The following PTPRM variants were observed in gnomAD, a reference collection of about 807,000 sequenced individuals.
PTPRM encodes the protein receptor-type tyrosine-protein phosphatase mu.
Under a neutral mutation model 186.7 loss-of-function variants are expected in PTPRM, and 47 were observed. The observed-to-expected ratio is 0.25, with a 90% CI of 0.20 to 0.32. The LOEUF (loss-of-function observed/expected upper bound fraction) is 0.32, where lower values mean the gene tolerates loss of function less well. Ranked by LOEUF, PTPRM falls within the 10% of genes least tolerant of loss-of-function variation. PTPRM has a pLI of 1.00. For synonymous variants in PTPRM, 668 were observed against 674.9 expected, an observed-to-expected ratio of 0.99 and a Z score of 0.16; for missense variants, 1,494 against 1,865.0, an observed-to-expected ratio of 0.80 and a Z score of 3.66.
At position 8,194,499 on chromosome 18, in the gene PTPRM, G is replaced by T. The variant is rs186301367; in HGVS notation, c.2301-49559G>T. Reference sequence around the variant, plus strand: ...TTCAGGGCTCCGTGTGAGGACTGAGGGGGCACCCTGAAATCCACACTGGAA... The same window carrying T: ...TTCAGGGCTCCGTGTGAGGACTGAGTGGGCACCCTGAAATCCACACTGGAA... On this transcript the variant is annotated intron_variant, in intron 14 of 32. Transcript: ENST00000580170. Among the ~76,000 whole-genome samples, 23 of 152,326 alleles carry T rather than the reference G, an allele frequency of 1.5e-4. No individual in the cohort carries two copies. In the East Asian group the frequency reaches 3.9e-3, roughly 26 times the overall value.
At chr18:7,888,488 G>A in intron 3 of PTPRM, 111 bp downstream of exon 3, 3 of 1,282,518 alleles carry the variant, frequency 2.3e-6, no homozygotes, top group Non-Finnish European at 2.1e-6. Context: ...TTGTTGGCAA[G>A]GTTGTGGAGA....
intron 8 of PTPRM, among the ~76,000 whole-genome samples, chr18:8,075,427 C>T (rs759250574): frequency 6.6e-6 from 1 of 152,172 alleles, no homozygotes; most frequent in Middle Eastern, 3.4e-3. Context: ...AAAATGTGAT[C>T]ATGTGCCCCA....
At chr18:8,220,187 G>C (rs146593685) in intron 14 of PTPRM, among the ~76,000 whole-genome samples, 163 of 152,244 alleles carry the variant, frequency 1.1e-3, no homozygotes, top group African/African-American at 3.8e-3. Context: ...AGGGGAAGGA[G>C]ATAAAAGATT....
intron 13 of PTPRM, among the ~76,000 whole-genome samples, chr18:8,125,209 CAAA>C (rs11315965): frequency 2.3e-4 from 31 of 134,718 alleles, no homozygotes; most frequent in Admixed American, 2.2e-4. Context: ...GACTCTGTCT[CAAA>C]AAAAAAAAAA....
At chr18:8,172,525 G>A (rs1453060040) in intron 14 of PTPRM, among the ~76,000 whole-genome samples, 1 of 151,926 alleles carries the variant, frequency 6.6e-6, no homozygotes, top group Non-Finnish European at 1.5e-5. Flanking sequence ...CATACCCCAG[G>A]CATATTGAAT....
intron 1 of PTPRM, among the ~76,000 whole-genome samples, chr18:7,745,903 G>A (rs953406201): frequency 5.3e-5 from 8 of 152,086 alleles, no homozygotes; most frequent in Admixed American, 3.3e-4. Flanking sequence ...CGAGGATTAG[G>A]CACATATGAA....
At chr18:8,370,054 A>G (rs562669713) in intron 23 of PTPRM, among the ~76,000 whole-genome samples, 1 of 152,184 alleles carries the variant, frequency 6.6e-6, no homozygotes, top group Non-Finnish European at 1.5e-5. Context: ...AGGGGCAGGG[A>G]CAGGAATAGA....
chr18:7,781,683 AT>A (rs1428022649), intron 2 of PTPRM, among the ~76,000 whole-genome samples: 1 of 152,018 alleles, frequency 6.6e-6, no homozygotes, highest in Non-Finnish European at 1.5e-5. Flanking sequence ...TTTTATCTGG[AT>A]GGTAGGATTT....
At chr18:7,644,437 A>G (rs982113456) in intron 1 of PTPRM, among the ~76,000 whole-genome samples, 2 of 152,160 alleles carry the variant, frequency 1.3e-5, no homozygotes, top group South Asian at 2.1e-4. Flanking sequence ...CGTCAGTTCT[A>G]CTATGTAGAA....
At chr18:7,892,151 T>G (rs1247702567) in intron 3 of PTPRM, among the ~76,000 whole-genome samples, 6 of 152,188 alleles carry the variant, frequency 3.9e-5, no homozygotes, top group African/African-American at 1.4e-4. Context: ...GTCCTGCTCA[T>G]GTTTTCCCTG....
chr18:8,085,949 C>A, intron 10 of PTPRM, 77 bp downstream of exon 10: 1 of 1,359,148 alleles, frequency 7.4e-7, no homozygotes, highest in Non-Finnish European at 1.0e-6. Context: ...GTCAAGTATG[C>A]CAAGCTCGCC....
At chr18:8,075,140 T>C (rs759392794) in intron 8 of PTPRM, among the ~76,000 whole-genome samples, 1 of 152,170 alleles carries the variant, frequency 6.6e-6, no homozygotes, top group Non-Finnish European at 1.5e-5. Flanking sequence ...GTAGCATTGG[T>C]TGAAAAGATT....
chr18:7,657,572 G>A (rs867503816), intron 1 of PTPRM, among the ~76,000 whole-genome samples: 19 of 152,060 alleles, frequency 1.2e-4, no homozygotes, highest in African/African-American at 4.6e-4. Context: ...ACACACACAA[G>A]CTCCATTACT....
intron 22 of PTPRM, among the ~76,000 whole-genome samples, chr18:8,329,351 C>A (rs1368453292): frequency 1.3e-5 from 2 of 152,224 alleles, no homozygotes; most frequent in Admixed American, 6.5e-5. Context: ...TATTTGCAAA[C>A]TGCATGGACT....
intron 22 of PTPRM, among the ~76,000 whole-genome samples, chr18:8,321,219 G>A (rs979310839): frequency 1.3e-5 from 2 of 152,020 alleles, no homozygotes; most frequent in African/African-American, 2.4e-5. Context: ...AAATACTCCC[G>A]AGCTTCATTT....
chr18:8,307,350 A>T (rs1166854408), intron 20 of PTPRM, among the ~76,000 whole-genome samples: 1 of 152,088 alleles, frequency 6.6e-6, no homozygotes, highest in Non-Finnish European at 1.5e-5. Context: ...CGCGTTCTCC[A>T]CCCCAACTGG....
intron 29 of PTPRM, among the ~76,000 whole-genome samples, chr18:8,380,964 G>A (rs1043824066): frequency 2.0e-5 from 3 of 152,114 alleles, no homozygotes; most frequent in Admixed American, 2.0e-4. Context: ...GCAGAGACAG[G>A]CAAGCAATTT....
intron 7 of PTPRM, among the ~76,000 whole-genome samples, chr18:8,052,006 C>T (rs2087535468): frequency 6.6e-6 from 1 of 152,140 alleles, no homozygotes; most frequent in South Asian, 2.1e-4. Flanking sequence ...ATACAGCCTG[C>T]ACTCTGAAAA....
chr18:8,382,352 C>G (rs2095742478), intron 29 of PTPRM, among the ~76,000 whole-genome samples: 1 of 152,038 alleles, frequency 6.6e-6, no homozygotes, highest in African/African-American at 2.4e-5. Context: ...ACTGAGAAAG[C>G]AAGCAGAAAG....
Sources: gnomAD v4.1 joint callset for allele counts (sites outside exome capture counted in the v4.1 genomes callset) on GRCh38, gnomAD v4.1.1 for gene constraint, MANE v1.5 for transcripts, NCBI Gene and HGNC (gene_info 2026-07-23, HGNC 2026-07-21) for gene names.